The following LCTL variants were observed in gnomAD, a reference collection of about 807,000 sequenced individuals.
LCTL encodes the protein lactase-like protein.
In LCTL, 76 loss-of-function variants were observed where a neutral mutation model predicts 75.8. The ratio of observed to expected loss-of-function variants is 1.00; its 90% CI spans 0.83 to 1.21. The LOEUF (loss-of-function observed/expected upper bound fraction) is 1.21. Among genes scored for constraint, LCTL ranks in the 50% most tolerant of loss-of-function variants. The probability of loss-of-function intolerance (pLI) is 0.00; values close to 1 mark genes in which losing one functional copy is unlikely to be tolerated. For missense variants in LCTL, 670 were observed against 712.4 expected (o/e 0.94, Z 0.68); for synonymous variants, 271 against 268.8 (o/e 1.01, Z -0.08).
intron 8 of LCTL, among the ~76,000 whole-genome samples, chr15:66,556,109 A>T (rs1215475134): frequency 1.3e-5 from 2 of 152,208 alleles, no homozygotes; most frequent in African/African-American, 4.8e-5. Flanking sequence ...CTTAAAAAAA[A>T]ATTAAAAATG....
At position 66,555,274 on chromosome 15, in the gene LCTL, G is replaced by A. The variant is rs551096809; in HGVS notation, c.923-2016C>T. The stretch of plus-strand genomic sequence containing the variant: ...TGGCTATTAAAATATAGTGACCGAA[G>A]GATTGAATTTTTAATTTTAATTTTA... On this transcript the variant is annotated intron_variant, in intron 8 of 12. Transcript: ENST00000341509. Among the ~76,000 whole-genome samples the A allele has an allele frequency of 3.6e-3, 554 of 152,068 alleles. 4 individuals are homozygous for A. Among genetic ancestry groups the A allele is most frequent in the Non-Finnish European group, 5.0e-3 (338 of 67,990 alleles).
At chr15:66,562,957 A>G (rs1399490425) in intron 4 of LCTL, among the ~76,000 whole-genome samples, 1 of 152,216 alleles carries the variant, frequency 6.6e-6, no homozygotes, top group Non-Finnish European at 1.5e-5. Flanking sequence ...TTAGAAAACA[A>G]AAGGATTCAC....
At chr15:66,555,999 TAAC>T (rs1381019818) in intron 8 of LCTL, among the ~76,000 whole-genome samples, 1 of 152,110 alleles carries the variant, frequency 6.6e-6, no homozygotes, top group East Asian at 1.9e-4. Flanking sequence ...TTAAGCAAAA[TAAC>T]AAGTGTTGGC....
chr15:66,558,485 C>T (rs939342451), intron 6 of LCTL, among the ~76,000 whole-genome samples: 3 of 152,122 alleles, frequency 2.0e-5, no homozygotes, highest in African/African-American at 4.8e-5. Flanking sequence ...AGCTAGCCAC[C>T]GCGCTTGGGT....
chr15:66,549,847 C>A (rs1895532166), intron 12 of LCTL, 194 bp downstream of exon 13: 1 of 427,712 alleles, frequency 2.3e-6, no homozygotes, highest in Non-Finnish European at 4.2e-6. Context: ...AAATGTTTAT[C>A]TTTCATGGTA....
rs771409880 is a variant in LCTL, at chr15:66,564,728, A to ACT, written c.228_229dup (p.Val77GlufsTer10). On this transcript the variant is annotated frameshift_variant, in exon 2 of 13. Coordinates refer to ENST00000341509, the Ensembl canonical transcript of LCTL. LOFTEE classifies it high-confidence loss of function. ...TACATCTGCCGTCTCATTCCCAAGC[A>ACT]CTTTCCCCTTCCCACTGTGTGTGAA... is the stretch of plus-strand genomic sequence containing the variant. 6.2e-7 allele frequency: 1 copy of ACT among 1,613,358 alleles called. No homozygotes were observed. The highest frequency in any genetic ancestry group is 1.1e-5 in the South Asian group (1 of 91,074).
At chr15:66,565,533 A>T (rs1220777236), upstream of LCTL, 2 of 572,410 alleles carry the variant, frequency 3.5e-6, no homozygotes, top group African/African-American at 1.9e-5. Context: ...TGGATGTCTG[A>T]TGCTGTTTCC....
Position 66,561,868 on chromosome 15 carries a change from T to C in LCTL, c.481-553A>G, listed in dbSNP as rs375859084. ...TCTGGTAGCTCCCATTCCCACAGAATAAACCCAGTTCCCAGTCATCTTAGC... is the reference window on the plus strand; with the variant it reads ...TCTGGTAGCTCCCATTCCCACAGAACAAACCCAGTTCCCAGTCATCTTAGC... On this transcript the variant is annotated intron_variant, in intron 4 of 12. Coordinates refer to ENST00000341509, the Ensembl canonical transcript of LCTL. Among the ~76,000 whole-genome samples, 85 of 152,224 alleles carry C rather than the reference T, an allele frequency of 5.6e-4. 2 individuals carry two copies. In the South Asian group the frequency reaches 0.017, roughly 30 times the overall value.
At chr15:66,557,037 G>A (rs766313334) in intron 8 of LCTL, among the ~76,000 whole-genome samples, 5 of 152,098 alleles carry the variant, frequency 3.3e-5, no homozygotes, top group East Asian at 3.9e-4. Flanking sequence ...GTAAAGATGC[G>A]ATGCCTGGGG....
intron 8 of LCTL, among the ~76,000 whole-genome samples, chr15:66,554,059 A>AG (rs1895683395): frequency 6.6e-6 from 1 of 152,036 alleles, no homozygotes; most frequent in Admixed American, 6.6e-5. Context: ...TGGGAGGCCG[A>AG]GGGGGGCAGA....
At chr15:66,564,256 G>A in intron 2 of LCTL, 1 of 547,674 alleles carries the variant, frequency 1.8e-6, no homozygotes, top group South Asian at 2.2e-5. Context: ...CCTGGGTGAT[G>A]AGTTCCTCAA....
In LCTL at chr15:66,552,975, GATA is replaced by G. The variant is rs754508155; in HGVS notation, c.1197+6_1197+8del. The G allele has an allele frequency of 7.0e-7, 1 of 1,438,266 alleles. No homozygotes were observed. Among genetic ancestry groups the G allele is most frequent in the Admixed American group, 2.8e-5 (1 of 36,286 alleles). The allele number at this position is 1,438,266 out of a possible 1,614,324, so 89.1% of individuals were successfully genotyped here. On this transcript the variant is annotated splice_donor_region_variant and intron_variant, in intron 9 of 12. Coordinates refer to ENST00000341509, the Ensembl canonical transcript of LCTL. ...AAATGTCCTTTGAATAGCTGAATGT[GATA>G]ATCACCTGAGCAAAGTTAAGGAGCC...
chr15:66,553,098 GCTGGGCCC>G lies in LCTL; in HGVS notation c.1075_1082del (p.Gly359LeufsTer6), dbSNP rs780900308. On this transcript the variant is annotated frameshift_variant, in exon 9 of 13. Coordinates refer to ENST00000341509, the Ensembl canonical transcript of LCTL. LOFTEE classifies it high-confidence loss of function. ...CTATCAAGTCACGATCGTTCTGGTAGCTGGGCCCCTGGCGGGAGGGGTAGTTCCTTTCC... is the reference window on the plus strand; with the variant it reads ...CTATCAAGTCACGATCGTTCTGGTAGCTGGCGGGAGGGGTAGTTCCTTTCC... 4.3e-6 allele frequency: 7 copies of G among 1,611,176 alleles called. No homozygotes were observed. In the South Asian group the frequency reaches 7.8e-5, roughly 18 times the overall value.
chr15:66,565,582 A>G (rs1896006709), upstream of LCTL: 2 of 530,524 alleles, frequency 3.8e-6, no homozygotes, highest in Non-Finnish European at 6.5e-6. Context: ...CAAGACTCCA[A>G]ACTATCCCTT....
At chr15:66,550,249 A>T in intron 11 of LCTL, 145 bp from the exon 13 acceptor site, 1 of 587,100 alleles carries the variant, frequency 1.7e-6, no homozygotes, top group Non-Finnish European at 3.0e-6. Flanking sequence ...TTGTAGTTTA[A>T]ATTAGTTAAT....
intron 8 of LCTL, among the ~76,000 whole-genome samples, chr15:66,555,076 G>A (rs1283153082): frequency 1.3e-5 from 2 of 151,988 alleles, no homozygotes; most frequent in Admixed American, 1.3e-4. Flanking sequence ...TTCCAAAGAG[G>A]ATAATAGTTT....
chr15:66,554,575 C>A (rs1339917235), intron 8 of LCTL, among the ~76,000 whole-genome samples: 1 of 152,188 alleles, frequency 6.6e-6, no homozygotes, highest in African/African-American at 2.4e-5. Context: ...AGCATATGTC[C>A]TTTCATTGAC....
chr15:66,560,671 C>G (rs1895863559), intron 6 of LCTL, among the ~76,000 whole-genome samples: 1 of 152,216 alleles, frequency 6.6e-6, no homozygotes, highest in South Asian at 2.1e-4. Flanking sequence ...ACCCCAGTTA[C>G]TTCTACTGAT....
At chr15:66,556,807 T>C (rs1390013723) in intron 8 of LCTL, among the ~76,000 whole-genome samples, 1 of 152,162 alleles carries the variant, frequency 6.6e-6, no homozygotes, top group Non-Finnish European at 1.5e-5. Context: ...GTTTCAGTTT[T>C]GCAAGATGAA....
Sources: gnomAD v4.1 joint callset for allele counts (sites outside exome capture counted in the v4.1 genomes callset) on GRCh38, gnomAD v4.1.1 for gene constraint, MANE v1.5 for transcripts, NCBI Gene and HGNC (gene_info 2026-07-23, HGNC 2026-07-21) for gene names.